Variants in ZNF181 observed in about 807,000 individuals in gnomAD.
ZNF181 encodes the protein zinc finger protein 181 (HHZ181).
ZNF181 carries 8 observed loss-of-function variants against 11.9 expected under a neutral mutation model. The ratio of observed to expected loss-of-function variants is 0.67; its 90% CI spans 0.39 to 1.21. ZNF181 has a LOEUF of 1.21. Among genes scored for constraint, ZNF181 ranks in the 50% most tolerant of loss-of-function variants. ZNF181 has a pLI of 0.01. For synonymous variants in ZNF181, 202 were observed against 221.1 expected (o/e 0.91, Z 0.77); for missense variants, 542 against 670.9 (o/e 0.81, Z 2.12).
chr19:34,734,331 C>CA lies in ZNF181; in HGVS notation c.-706dup, dbSNP rs2068855609. 6.6e-6 allele frequency: 1 copy of CA among 152,408 alleles called. No homozygotes were observed. Among genetic ancestry groups the CA allele is most frequent in the African/African-American group, 2.4e-5 (1 of 41,468 alleles). 9.4% of individuals were successfully genotyped at this position (152,408 alleles called of 1,614,324 possible). On this transcript the variant is annotated 5_prime_UTR_variant, in exon 1 of 4. Transcript: ENST00000492450. ...CAGAGGTCGGCGGCCGTTGCCCGCT[C>CA]ACCAGCGACGCGGGGCGCCTGCGGG...
Position 34,734,945 on chromosome 19 carries a change from T to A in ZNF181, c.-93T>A. The A allele has an allele frequency of 2.2e-6, 3 of 1,393,568 alleles. No individual in the cohort carries two copies. Among genetic ancestry groups the A allele is most frequent in the Non-Finnish European group, 2.9e-6 (3 of 1,019,734 alleles). 86.3% of individuals were successfully genotyped at this position (1,393,568 alleles called of 1,614,324 possible). A position where few individuals can be genotyped will look rare whatever the true frequency, so the allele number is the denominator to read the frequency against. ...ATAAGCCTGATTTTTCATGACTGCT[T>A]TTTCCTGCCCTTCTGTGCCCTCAGG... is the stretch of plus-strand genomic sequence containing the variant. On this transcript the variant is annotated 5_prime_UTR_variant, in exon 1 of 4. Transcript: ENST00000492450.
Position 34,739,161 on chromosome 19 carries a change from A to G in ZNF181, c.23A>G (p.Asp8Gly), listed in dbSNP as rs1376780987. The change falls in exon 2 of 4, where the codon GAT becomes GGT. Residue 8 changes from aspartate (D) to glycine (G), a missense_variant. Physicochemically the swap from Asp to Gly is moderately conservative, Grantham distance 94. Transcript: ENST00000492450. Reference sequence around the variant, plus strand: ...TTGCTATTTCAGGTGACATTTAATGATGTGGCTATAGACTTCACTCATGAA... The same window carrying G: ...TTGCTATTTCAGGTGACATTTAATGGTGTGGCTATAGACTTCACTCATGAA... MPQVTFN[D>G]VAIDFTHEEW... 6.2e-7 allele frequency: 1 copy of G among 1,613,578 alleles called. No homozygotes were observed. Among genetic ancestry groups the G allele is most frequent in the Non-Finnish European group, 8.5e-7 (1 of 1,179,686 alleles).
At chr19:34,740,236 TGA>T (rs2068949244) in intron 3 of ZNF181, among the ~76,000 whole-genome samples, 1 of 152,202 alleles carries the variant, frequency 6.6e-6, no homozygotes. Flanking sequence ...TGAGATTAAT[TGA>T]ATGTTGGAGA....
In ZNF181 at chr19:34,740,762, G is replaced by A. The variant is rs2068957208; in HGVS notation, c.381G>A (p.Leu127=). Residue 127 remains leucine, a synonymous_variant, in exon 4 of 4, where the codon TTG becomes TTA. Transcript: ENST00000492450. ...SKKNLEYIEK[L]EGKHGSQVDH... The stretch of plus-strand genomic sequence containing the variant: ...AGAATTTGGAATATATAGAGAAGTT[G>A]GAAGGGAAGCATGGAAGTCAGGTAG... The A allele has an allele frequency of 1.2e-6, 2 of 1,613,760 alleles. No individual in the cohort carries two copies. Among genetic ancestry groups the A allele is most frequent in the Admixed American group, 1.7e-5 (1 of 59,940 alleles).
Position 34,740,996 on chromosome 19 carries a change from T to G in ZNF181, c.615T>G (p.Gly205=). The change falls in exon 4 of 4, where the codon GGT becomes GGG. Residue 205 remains glycine, a synonymous_variant. Coordinates refer to ENST00000492450, the MANE Select transcript of ZNF181 (RefSeq NM_001029997.4). The part of the protein sequence containing the change: ...KSVIKNEKVN[G]GKKLLNSNKS... ...TTATAAAAAATGAGAAAGTCAATGG[T>G]GGAAAGAAACTTTTGAATTCTAATA... The G allele has an allele frequency of 6.2e-7, 1 of 1,614,038 alleles. No individual in the cohort carries two copies. Among genetic ancestry groups the G allele is most frequent in the South Asian group, 1.1e-5 (1 of 91,064 alleles).
intron 1 of ZNF181, chr19:34,736,308 C>T (rs2068888120): frequency 7.9e-6 from 5 of 634,574 alleles, no homozygotes; most frequent in Admixed American, 4.9e-5. Context: ...GTTTTTCCAG[C>T]TATTCGGGAG....
chr19:34,735,950 TG>T (rs1471434752), intron 1 of ZNF181: 5 of 491,748 alleles, frequency 1.0e-5, no homozygotes, highest in Non-Finnish European at 1.8e-5. Flanking sequence ...CCTCCATCAC[TG>T]CTTTGTTGTT....
Position 34,740,854 on chromosome 19 carries a change from A to C in ZNF181, c.473A>C (p.Asn158Thr). Residue 158 changes from asparagine to threonine, a missense_variant, in exon 4 of 4, where the codon AAT becomes ACT. By Grantham distance (65) the Asn-to-Thr change is moderately conservative (BLOSUM62 0). Coordinates refer to ENST00000492450, the MANE Select transcript of ZNF181 (RefSeq NM_001029997.4). ...ACTGCAGACAGTGTTTACAAATACA[A>C]TATATTTAGAAGCACCTTTCATTCA... ...SPTADSVYKY[N>T]IFRSTFHSKS... The C allele has an allele frequency of 6.2e-7, 1 of 1,614,084 alleles. No individual in the cohort carries two copies. The highest frequency in any genetic ancestry group is 1.1e-5 in the South Asian group (1 of 91,070).
At position 34,740,744 on chromosome 19, in the gene ZNF181, G is replaced by A; in HGVS notation, c.363G>A (p.Leu121=). 1 of 1,613,526 alleles carries A rather than the reference G, an allele frequency of 6.2e-7. No homozygotes were observed. Among genetic ancestry groups the A allele is most frequent in the Non-Finnish European group, 8.5e-7 (1 of 1,179,796 alleles). ...SYEFSNSKKN[L]EYIEKLEGKH... is the part of the protein sequence containing the mutation. ...AATTTTCAAATTCTAAGAAGAATTTGGAATATATAGAGAAGTTGGAAGGGA... is the reference window on the plus strand; with the variant it reads ...AATTTTCAAATTCTAAGAAGAATTTAGAATATATAGAGAAGTTGGAAGGGA... Residue 121 remains leucine, a synonymous_variant, in exon 4 of 4, where the codon TTG becomes TTA. Transcript: ENST00000492450.
At position 34,742,105 on chromosome 19, in the gene ZNF181, G is replaced by T; in HGVS notation, c.*8G>T. On this transcript the variant is annotated 3_prime_UTR_variant, in exon 4 of 4. Transcript: ENST00000492450. ...AGAAGAGAAACTGTATGAAGCAGTG[G>T]TTATCATGGTAAATTTCCTAGATTC... is the stretch of plus-strand genomic sequence containing the variant. 6.6e-7 allele frequency: 1 copy of T among 1,526,452 alleles called. No homozygotes were observed. The highest frequency in any genetic ancestry group is 8.8e-7 in the Non-Finnish European group (1 of 1,139,788). The allele number at this position is 1,526,452 out of a possible 1,614,324, so 94.6% of individuals were successfully genotyped here.
Position 34,739,277 on chromosome 19 carries a change from A to G in ZNF181, c.130+9A>G. 6.2e-7 allele frequency: 1 copy of G among 1,613,532 alleles called. No homozygotes were observed. The highest frequency in any genetic ancestry group is 8.5e-7 in the Non-Finnish European group (1 of 1,179,622). On this transcript the variant is annotated intron_variant, in intron 2 of 3. Coordinates refer to ENST00000492450, the MANE Select transcript of ZNF181 (RefSeq NM_001029997.4). ...GAACCTGGTCTCTGTAGGTAAGGAT[A>G]TTACCCCTTCCACTCCAGTAGGGGA...
chr19:34,735,099 T>C, intron 1 of ZNF181, 53 bp downstream of exon 1: 1 of 1,550,326 alleles, frequency 6.5e-7, no homozygotes, highest in Non-Finnish European at 8.7e-7. Context: ...GGACTGTGTG[T>C]TTGCTTTGCT....
Position 34,740,711 on chromosome 19 carries a change from A to G in ZNF181, c.330A>G (p.Gln110=), listed in dbSNP as rs140446885. 6.5e-4 allele frequency: 1,049 copies of G among 1,613,290 alleles called. No individual in the cohort carries two copies. The highest frequency in any genetic ancestry group is 2.5e-3 in the Admixed American group (147 of 59,896). The part of the protein sequence containing the change: ...QTVIIEKVVK[Q]SYEFSNSKKN... Reference sequence around the variant, plus strand: ...TAATAATAGAAAAAGTTGTAAAACAAAGTTATGAATTTTCAAATTCTAAGA... The same window carrying G: ...TAATAATAGAAAAAGTTGTAAAACAGAGTTATGAATTTTCAAATTCTAAGA... The change falls in exon 4 of 4, where the codon CAA becomes CAG. Residue 110 remains glutamine, a synonymous_variant. Transcript: ENST00000492450.
At chr19:34,739,311 T>G (rs750182109) in intron 2 of ZNF181, 43 bp downstream of exon 2, 1 of 1,607,324 alleles carries the variant, frequency 6.2e-7, no homozygotes, top group Admixed American at 1.7e-5. Context: ...GACACCTTTC[T>G]TTTGCCACCC....
chr19:34,736,236 G>A (rs1568481954), intron 1 of ZNF181: 2 of 692,326 alleles, frequency 2.9e-6, no homozygotes, highest in East Asian at 2.7e-5. Flanking sequence ...GTTGGGTGAA[G>A]TCTGTTTTCT....
rs200927726 is a variant in ZNF181 at position 34,741,212 on chromosome 19, C to T, written c.831C>T (p.Gly277=). The T allele has an allele frequency of 5.3e-5, 86 of 1,613,826 alleles. No individual in the cohort carries two copies. Among genetic ancestry groups the T allele is most frequent in the Non-Finnish European group, 6.6e-5 (78 of 1,179,934 alleles). The change falls in exon 4 of 4, where the codon GGC becomes GGT. Residue 277 remains glycine, a synonymous_variant. Transcript: ENST00000492450. The part of the protein sequence containing the change: ...CRECGKTFSH[G]SSLTRHLISH... ...AATGTGGGAAGACTTTTAGCCATGG[C>T]TCATCCCTTACACGACATCTGATAA...
chr19:34,736,231 G>T (rs2068887201), intron 1 of ZNF181: 1 of 694,884 alleles, frequency 1.4e-6, no homozygotes, highest in South Asian at 1.5e-5. Context: ...TACATGTTGG[G>T]TGAAGTCTGT....
chr19:34,741,403 G>T lies in ZNF181; in HGVS notation c.1022G>T (p.Arg341Ile). The T allele has an allele frequency of 6.2e-7, 1 of 1,613,850 alleles. No homozygotes were observed. The highest frequency in any genetic ancestry group is 8.5e-7 in the Non-Finnish European group (1 of 1,179,848). The change falls in exon 4 of 4, where the codon AGA becomes ATA. Residue 341 changes from arginine (R) to isoleucine (I), a missense_variant. Physicochemically the swap from Arg to Ile is moderately conservative, Grantham distance 97 (BLOSUM62 -3). Coordinates refer to ENST00000492450, the MANE Select transcript of ZNF181 (RefSeq NM_001029997.4). Reference protein sequence around the residue: ...SRVSHLIEHLRIHTQEKLYEC... With the variant: ...SRVSHLIEHLIIHTQEKLYEC... ...GTGTCCCATCTTATTGAACATCTAA[G>T]AATTCATACTCAAGAAAAACTCTAT... is the stretch of plus-strand genomic sequence containing the variant.
intron 1 of ZNF181, among the ~76,000 whole-genome samples, chr19:34,738,697 A>AT (rs2068924135): frequency 2.0e-5 from 3 of 151,696 alleles, no homozygotes; most frequent in Admixed American, 6.6e-5. Flanking sequence ...CCAGCTGCCC[A>AT]TTTTTTGTGA....
Sources: gnomAD v4.1 joint callset for allele counts (sites outside exome capture counted in the v4.1 genomes callset) on GRCh38, gnomAD v4.1.1 for gene constraint, MANE v1.5 for transcripts, NCBI Gene and HGNC (gene_info 2026-07-23, HGNC 2026-07-21) for gene names.